The following PDE9A variants were observed in gnomAD, a reference collection of about 807,000 sequenced individuals.
PDE9A encodes the protein phosphodiesterase 9A.
Under a neutral mutation model 87.4 loss-of-function variants are expected in PDE9A, and 60 were observed. That is an observed-to-expected ratio of 0.69 (90% CI 0.56 to 0.85). The LOEUF is 0.85. Among genes scored for constraint, PDE9A ranks in the 40% least tolerant of loss-of-function variants. The probability of loss-of-function intolerance (pLI) is 0.00; values close to 1 mark genes in which losing one functional copy is unlikely to be tolerated. For synonymous variants in PDE9A, 272 were observed against 279.4 expected (o/e 0.97, Z 0.27); for missense variants, 665 against 779.0 (o/e 0.85, Z 1.74).
rs71320536 is a variant in PDE9A, at chr21:42,659,899, C to T, written c.69+6016C>T. On this transcript the variant is annotated intron_variant, in intron 1 of 19. Coordinates refer to ENST00000291539, the MANE Select transcript of PDE9A (RefSeq NM_002606.3). This position sits in a 1 kb window ranked among gnomAD's most constrained non-coding sequence, Gnocchi z 4.1. ...GCGCAGAGGAAGGGCACACTGTCCC[C>T]GTCAGACGCCTCAGATGAACTGACA... 0.058 allele frequency among the ~76,000 whole-genome samples: 8,813 copies of T among 152,310 alleles called. 334 individuals carry two copies. The highest frequency in any genetic ancestry group is 0.099 in the Middle Eastern group (29 of 294).
At chr21:42,771,959 A>G (rs1302128437) in intron 18 of PDE9A, among the ~76,000 whole-genome samples, 2 of 151,442 alleles carry the variant, frequency 1.3e-5, no homozygotes, top group Non-Finnish European at 2.9e-5. Flanking sequence ...CCACTCCACA[A>G]CCCCGCAAGA....
At chr21:42,755,988 G>A (rs1602491792) in intron 10 of PDE9A, among the ~76,000 whole-genome samples, 2 of 152,344 alleles carry the variant, frequency 1.3e-5, no homozygotes, top group South Asian at 2.1e-4. Context: ...CACGAAGCTG[G>A]GGGATCTGTG....
chr21:42,755,247 G>T (rs544084886), intron 10 of PDE9A, among the ~76,000 whole-genome samples: 7 of 152,276 alleles, frequency 4.6e-5, no homozygotes, highest in Admixed American at 1.3e-4. Flanking sequence ...AGGGCAGAAA[G>T]TGGGCTCTTG....
intron 7 of PDE9A, among the ~76,000 whole-genome samples, chr21:42,740,500 G>C (rs1035223482): frequency 6.6e-6 from 1 of 151,758 alleles, no homozygotes; most frequent in Non-Finnish European, 1.5e-5. Context: ...TGGGTGGATA[G>C]AGAGATAGAA....
At chr21:42,761,841 T>C (rs2055804068) in intron 13 of PDE9A, among the ~76,000 whole-genome samples, 1 of 152,110 alleles carries the variant, frequency 6.6e-6, no homozygotes, top group Admixed American at 6.5e-5. Flanking sequence ...CCAGGGAGCA[T>C]GCCGCTTCCT....
At position 42,695,217 on chromosome 21, in the gene PDE9A, C is replaced by T. The variant is rs1244242954; in HGVS notation, c.219-3751C>T. ...ATTGATGACTAAACAACCTAACGAC[C>T]AACAAATATAAAAAGTCATAGCCCA... On this transcript the variant is annotated intron_variant, in intron 3 of 19. Transcript: ENST00000291539. The surrounding 1 kb of genome is among the most constrained non-coding windows in gnomAD (Gnocchi z 4.3). Among the ~76,000 whole-genome samples the T allele has an allele frequency of 6.6e-6, 1 of 152,206 alleles. No homozygotes were observed. Among genetic ancestry groups the T allele is most frequent in the Admixed American group, 6.5e-5 (1 of 15,286 alleles).
chr21:42,698,846 A>T (rs2060283606), intron 3 of PDE9A, 122 bp from the exon 4 acceptor site: 2 of 583,922 alleles, frequency 3.4e-6, no homozygotes, highest in Non-Finnish European at 6.1e-6. Context: ...AAAAAATAAA[A>T]ATAAATAAAA....
Position 42,760,785 on chromosome 21 carries a change from G to T in PDE9A, c.1003-40G>T. ...CCCCTCACCCCATCCCACCCTCCGA[G>T]TGAAGAGAGCAAACACCTACGCCCT... On this transcript the variant is annotated intron_variant, in intron 12 of 19. Coordinates refer to ENST00000291539, the MANE Select transcript of PDE9A (RefSeq NM_002606.3). The surrounding 1 kb of genome is among the most constrained non-coding windows in gnomAD (Gnocchi z 5.2). 1 of 1,147,936 alleles carries T rather than the reference G, an allele frequency of 8.7e-7. No individual in the cohort carries two copies. Among genetic ancestry groups the T allele is most frequent in the Non-Finnish European group, 1.3e-6 (1 of 756,522 alleles). 71.1% of individuals were successfully genotyped at this position (1,147,936 alleles called of 1,614,324 possible).
intron 2 of PDE9A, 142 bp from the exon 3 acceptor site, chr21:42,687,775 C>T: frequency 1.5e-6 from 1 of 658,326 alleles, no homozygotes; most frequent in Non-Finnish European, 2.7e-6. Context: ...CGGCCTCCCA[C>T]CCTTCCCATC....
Position 42,676,987 on chromosome 21 carries a change from G to A in PDE9A, c.70-9205G>A, listed in dbSNP as rs192607304. On this transcript the variant is annotated intron_variant, in intron 1 of 19. Transcript: ENST00000291539. ...AGCAGTGAGCTCCACGGGGCCCAGC[G>A]TCCGGCCTCATTAACCAGCTGCCCT... Among the ~76,000 whole-genome samples, 7 of 152,270 alleles carry A rather than the reference G, an allele frequency of 4.6e-5. No homozygotes were observed. The East Asian group carries it at 9.6e-4, about 21-fold the overall frequency.
intron 4 of PDE9A, among the ~76,000 whole-genome samples, chr21:42,707,991 T>C (rs910873287): frequency 5.3e-5 from 8 of 152,190 alleles, no homozygotes; most frequent in African/African-American, 1.9e-4. Flanking sequence ...TCCTAAGGTC[T>C]AAAACAAAAG....
Position 42,739,945 on chromosome 21 carries a change from G to A in PDE9A, c.569-3831G>A, listed in dbSNP as rs1242633869. 2.0e-5 allele frequency among the ~76,000 whole-genome samples: 3 copies of A among 152,048 alleles called. No individual in the cohort carries two copies. The highest frequency in any genetic ancestry group is 2.9e-5 in the Non-Finnish European group (2 of 68,010). ...GGATAAAAAGAAAAACGTGAGCTGCGACAGCAGCCACTAACATGGGGAAGG... is the reference window on the plus strand; with the variant it reads ...GGATAAAAAGAAAAACGTGAGCTGCAACAGCAGCCACTAACATGGGGAAGG... On this transcript the variant is annotated intron_variant, in intron 7 of 19. Coordinates refer to ENST00000291539, the MANE Select transcript of PDE9A (RefSeq NM_002606.3). The surrounding 1 kb of genome is among the most constrained non-coding windows in gnomAD (Gnocchi z 4.1).
In PDE9A at chr21:42,743,561, C is replaced by T. The variant is rs573503912; in HGVS notation, c.569-215C>T. ...GGATGCGGTAGTGCAGCGGTGGCCA[C>T]GGCACATGCCTGCGAGGATAGAGTC... On this transcript the variant is annotated intron_variant, in intron 7 of 19. Transcript: ENST00000291539. 5.1e-4 allele frequency among the ~76,000 whole-genome samples: 78 copies of T among 152,290 alleles called. 2 individuals carry two copies. The highest frequency in any genetic ancestry group is 3.7e-3 in the Admixed American group (57 of 15,296).
chr21:42,741,958 G>A (rs2053317240), intron 7 of PDE9A, among the ~76,000 whole-genome samples: 1 of 152,110 alleles, frequency 6.6e-6, no homozygotes, highest in Admixed American at 6.5e-5. Context: ...AAAAACTAAG[G>A]TGTGATTACA....
chr21:42,710,019 A>C (rs2049174018), intron 4 of PDE9A, among the ~76,000 whole-genome samples: 1 of 152,182 alleles, frequency 6.6e-6, no homozygotes, highest in Non-Finnish European at 1.5e-5. Context: ...TATTGTGGGC[A>C]TCCTTGTCCA....
chr21:42,709,307 GT>G (rs2049101063), intron 4 of PDE9A, among the ~76,000 whole-genome samples: 1 of 152,164 alleles, frequency 6.6e-6, no homozygotes, highest in African/African-American at 2.4e-5. Context: ...TGTTGGGAGG[GT>G]TGGGGGAGGG....
In PDE9A at chr21:42,760,176, A is replaced by C; in HGVS notation, c.898-152A>C. The stretch of plus-strand genomic sequence containing the variant: ...AGGGTCCCTGTGTCACCTCATTGGT[A>C]CCTGTGGTAAACCTGGAACACTGTT... On this transcript the variant is annotated intron_variant, in intron 11 of 19. Coordinates refer to ENST00000291539, the MANE Select transcript of PDE9A (RefSeq NM_002606.3). This position sits in a 1 kb window ranked among gnomAD's most constrained non-coding sequence, Gnocchi z 5.2. 1.6e-6 allele frequency: 1 copy of C among 620,214 alleles called. No homozygotes were observed. Among genetic ancestry groups the C allele is most frequent in the Non-Finnish European group, 3.0e-6 (1 of 337,566 alleles). The allele number at this position is 620,214 out of a possible 1,614,324, so 38.4% of individuals were successfully genotyped here.
Position 42,705,366 on chromosome 21 carries a change from A to G in PDE9A, c.262+6355A>G, listed in dbSNP as rs930726674. ...TTTGATGTAAGCCGCTCAAACTCAA[A>G]GAGTGTTGTTTTCCAGATTATAAAA... On this transcript the variant is annotated intron_variant, in intron 4 of 19. Transcript: ENST00000291539. This position sits in a 1 kb window ranked among gnomAD's most constrained non-coding sequence, Gnocchi z 4.3. 1.3e-4 allele frequency among the ~76,000 whole-genome samples: 20 copies of G among 152,180 alleles called. No homozygotes were observed. Among genetic ancestry groups the G allele is most frequent in the Non-Finnish European group, 2.5e-4 (17 of 68,034 alleles).
At chr21:42,754,098 G>A (rs756709162) in intron 10 of PDE9A, 34 bp downstream of exon 10, 2 of 1,439,342 alleles carry the variant, frequency 1.4e-6, no homozygotes, top group African/African-American at 1.4e-5. Flanking sequence ...CACGTCCCAG[G>A]GGGAGGCAGC....
Sources: gnomAD v4.1 joint callset for allele counts (sites outside exome capture counted in the v4.1 genomes callset) on GRCh38, gnomAD v4.1.1 for gene constraint, Gnocchi (gnomAD v3.1) non-coding constraint, MANE v1.5 for transcripts, NCBI Gene and HGNC (gene_info 2026-07-23, HGNC 2026-07-21) for gene names.